ASH1L: variants seen among roughly 807,000 people sequenced by gnomAD.
ASH1L encodes ASH1 like histone lysine methyltransferase, also known as histone-lysine N-methyltransferase ASH1L.
Under a neutral mutation model 269.0 loss-of-function variants are expected in ASH1L, and 23 were observed. The ratio of observed to expected loss-of-function variants is 0.09; its 90% CI spans 0.06 to 0.12. The LOEUF is 0.12. Among genes scored for constraint, ASH1L ranks in the 10% least tolerant of loss-of-function variants. The pLI is 1.00. For missense variants in ASH1L, 2,912 were observed against 3,567.8 expected (o/e 0.82, Z 4.68); for synonymous variants, 1,187 against 1,253.5 (o/e 0.95, Z 1.12).
At chr1:155,538,635 C>G (rs1190567551) in intron 1 of ASH1L, among the ~76,000 whole-genome samples, 1 of 141,180 alleles carries the variant, frequency 7.1e-6, no homozygotes, top group East Asian at 2.2e-4. Flanking sequence ...AACCACTGTA[C>G]CCAGCCTTTT....
intron 6 of ASH1L, among the ~76,000 whole-genome samples, chr1:155,410,760 C>T (rs1165641150): frequency 2.0e-5 from 3 of 150,678 alleles, no homozygotes; most frequent in Non-Finnish European, 2.9e-5. Flanking sequence ...TGAGCCACTG[C>T]GTCTGGCCTG....
Position 155,343,838 on chromosome 1 carries a change from A to C in ASH1L, c.7982-96T>G. 94 of 1,377,232 alleles carry C rather than the reference A, an allele frequency of 6.8e-5. No homozygotes were observed. The highest frequency in any genetic ancestry group is 8.4e-5 in the Non-Finnish European group (84 of 1,001,554). The allele number at this position is 1,377,232 out of a possible 1,614,324, so 85.3% of individuals were successfully genotyped here. A position where few individuals can be genotyped will look rare whatever the true frequency, so the allele number is the denominator to read the frequency against. ...CTGACTCAGGGTCTACATAGAACTC[A>C]TAATCTGAAACAGTATAAATACAGA... On this transcript the variant is annotated intron_variant, in intron 22 of 27. Transcript: ENST00000392403. The surrounding 1 kb of genome is among the most constrained non-coding windows in gnomAD (Gnocchi z 6.1).
Position 155,433,530 on chromosome 1 carries a change from T to C in ASH1L, c.5828+4797A>G, listed in dbSNP as rs752246996. On this transcript the variant is annotated intron_variant, in intron 5 of 27. Transcript: ENST00000392403. ...GGCACCTCCCTGGAGCCCTGCACCGTCCCCCCTGGTGCCGTGAAACTGGAG... is the reference window on the plus strand; with the variant it reads ...GGCACCTCCCTGGAGCCCTGCACCGCCCCCCCTGGTGCCGTGAAACTGGAG... The C allele has an allele frequency of 2.5e-6, 4 of 1,609,438 alleles. No individual in the cohort carries two copies. The Admixed American group carries it at 6.7e-5, about 27-fold the overall frequency.
chr1:155,541,854 C>A (rs541089876), intron 1 of ASH1L, among the ~76,000 whole-genome samples: 1 of 152,062 alleles, frequency 6.6e-6, no homozygotes, highest in African/African-American at 2.4e-5. Flanking sequence ...AAGTATGCAT[C>A]TCATGACCAA....
intron 6 of ASH1L, among the ~76,000 whole-genome samples, chr1:155,407,128 CAGG>C (rs1423038625): frequency 6.6e-6 from 1 of 151,990 alleles, no homozygotes; most frequent in African/African-American, 2.4e-5. Context: ...GAGGTTCGGG[CAGG>C]AGAATTGCTT....
intron 1 of ASH1L, among the ~76,000 whole-genome samples, chr1:155,535,220 G>A (rs1571093502): frequency 1.3e-5 from 2 of 148,698 alleles, no homozygotes; most frequent in African/African-American, 4.9e-5. Context: ...AATCTAACTT[G>A]TCTTATCTGA....
At chr1:155,446,779 G>A (rs777695000) in intron 4 of ASH1L, among the ~76,000 whole-genome samples, 7 of 151,672 alleles carry the variant, frequency 4.6e-5, no homozygotes, top group African/African-American at 9.7e-5. Flanking sequence ...CCGCCACCGC[G>A]CCCGGCTAAT....
chr1:155,389,660 G>A (rs1329627475), intron 7 of ASH1L, among the ~76,000 whole-genome samples: 4 of 152,058 alleles, frequency 2.6e-5, no homozygotes, highest in East Asian at 1.9e-4. Flanking sequence ...GCAACAGAGC[G>A]AGACTCCATC....
At chr1:155,372,014 AT>A (rs1655997109) in intron 10 of ASH1L, among the ~76,000 whole-genome samples, 2 of 145,546 alleles carry the variant, frequency 1.4e-5, no homozygotes, top group African/African-American at 5.2e-5. Flanking sequence ...ACTCTTATTT[AT>A]TTTTTTGAGA....
At chr1:155,416,458 A>T (rs768235476) in intron 5 of ASH1L, among the ~76,000 whole-genome samples, 2 of 152,066 alleles carry the variant, frequency 1.3e-5, no homozygotes, top group Admixed American at 6.6e-5. Flanking sequence ...GATACTGGAC[A>T]ACAGTTAATG....
At chr1:155,553,856 G>T (rs1366942776) in intron 1 of ASH1L, among the ~76,000 whole-genome samples, 1 of 151,598 alleles carries the variant, frequency 6.6e-6, no homozygotes, top group Admixed American at 6.6e-5. Flanking sequence ...GAGTGCAGTG[G>T]CAAGATCTCG....
chr1:155,338,486 C>T, intron 26 of ASH1L, 96 bp from the exon 27 acceptor site: 1 of 1,144,334 alleles, frequency 8.7e-7, no homozygotes, highest in African/African-American at 1.5e-5. Context: ...TCCTGGAGTC[C>T]AGCAGTTAGA....
intron 2 of ASH1L, among the ~76,000 whole-genome samples, chr1:155,499,674 C>T (rs951190561): frequency 1.3e-5 from 2 of 152,060 alleles, no homozygotes; most frequent in Admixed American, 1.3e-4. Flanking sequence ...TATTGAGCAG[C>T]CGTATGTGAG....
intron 4 of ASH1L, among the ~76,000 whole-genome samples, chr1:155,454,896 T>C (rs1347661467): frequency 6.6e-6 from 1 of 152,228 alleles, no homozygotes; most frequent in East Asian, 1.9e-4. Context: ...GTCTTTTGGC[T>C]TAAAATAGTA....
intron 1 of ASH1L, among the ~76,000 whole-genome samples, chr1:155,541,165 T>C (rs1178011108): frequency 6.6e-6 from 1 of 152,222 alleles, no homozygotes; most frequent in Admixed American, 6.6e-5. Flanking sequence ...CTGTTTGCTG[T>C]ATTCACTGCT....
At chr1:155,491,774 A>G (rs1246306878) in intron 2 of ASH1L, among the ~76,000 whole-genome samples, 1 of 151,870 alleles carries the variant, frequency 6.6e-6, no homozygotes, top group East Asian at 1.9e-4. Context: ...GGTTCAAGCA[A>G]TTCTTGTGCC....
intron 2 of ASH1L, among the ~76,000 whole-genome samples, chr1:155,496,609 T>C (rs1353161410): frequency 2.6e-5 from 4 of 152,148 alleles, no homozygotes; most frequent in Admixed American, 1.3e-4. Flanking sequence ...TCCTCACGTA[T>C]ACACGAGTCT....
intron 1 of ASH1L, among the ~76,000 whole-genome samples, chr1:155,544,555 G>A (rs1291019747): frequency 3.3e-5 from 5 of 152,060 alleles, no homozygotes; most frequent in African/African-American, 9.7e-5. Flanking sequence ...CCAAAGTGCT[G>A]GGATTACAGG....
At chr1:155,462,384 G>A (rs1664373188) in intron 3 of ASH1L, among the ~76,000 whole-genome samples, 1 of 152,270 alleles carries the variant, frequency 6.6e-6, no homozygotes, top group South Asian at 2.1e-4. Flanking sequence ...AGAAAGTCTT[G>A]ATGAAGGCTT....
Sources: gnomAD v4.1 joint callset for allele counts (sites outside exome capture counted in the v4.1 genomes callset) on GRCh38, gnomAD v4.1.1 for gene constraint, Gnocchi (gnomAD v3.1) non-coding constraint, MANE v1.5 for transcripts, NCBI Gene and HGNC (gene_info 2026-07-23, HGNC 2026-07-21) for gene names.